Variants in SMAD1 observed in about 807,000 individuals in gnomAD.
SMAD1 encodes the protein SMAD family member 1.
SMAD1 carries 6 observed loss-of-function variants against 41.6 expected under a neutral mutation model. The ratio of observed to expected loss-of-function variants is 0.14; its 90% CI spans 0.08 to 0.28. The LOEUF is 0.28. Ranked by LOEUF, SMAD1 falls within the 10% of genes least tolerant of loss-of-function variation. The pLI is 1.00. For synonymous variants in SMAD1, 206 were observed against 203.2 expected, an observed-to-expected ratio of 1.01 and a Z score of -0.12; for missense variants, 379 against 582.6, an observed-to-expected ratio of 0.65 and a Z score of 3.60.
intron 1 of SMAD1, among the ~76,000 whole-genome samples, chr4:145,499,051 C>T (rs1729267979): frequency 6.6e-6 from 1 of 152,278 alleles, no homozygotes; most frequent in East Asian, 1.9e-4. Context: ...CACCCAACTT[C>T]GACTATCATG....
Position 145,546,749 on chromosome 4 carries a change from T to C in SMAD1, c.822T>C (p.Ile274=), listed in dbSNP as rs1483794229. The part of the protein sequence containing the change: ...AYEEPKHWCS[I]VYYELNNRVG... ...AGGAACCAAAACACTGGTGCTCTAT[T>C]GTCTACTATGAGCTCAACAATCGTG... The change falls in exon 5 of 7, where the codon ATT becomes ATC. Residue 274 remains isoleucine, a synonymous_variant. Coordinates refer to ENST00000302085, the MANE Select transcript of SMAD1 (RefSeq NM_005900.3). 2 of 1,614,018 alleles carry C rather than the reference T, an allele frequency of 1.2e-6. No individual in the cohort carries two copies. Among genetic ancestry groups the C allele is most frequent in the South Asian group, 2.2e-5 (2 of 91,082 alleles).
Position 145,484,998 on chromosome 4 carries a change from C to T in SMAD1, c.-177+2960C>T, listed in dbSNP as rs559954609. 6.6e-5 allele frequency among the ~76,000 whole-genome samples: 10 copies of T among 152,302 alleles called. No homozygotes were observed. In the East Asian group the frequency reaches 1.7e-3, roughly 26 times the overall value. ...TATTTTGCTTAAGTTTCTGACAATC[C>T]TTATTTAGCTTATGGATTATCTAGG... is the stretch of plus-strand genomic sequence containing the variant. On this transcript the variant is annotated intron_variant, in intron 1 of 6. Coordinates refer to ENST00000302085, the MANE Select transcript of SMAD1 (RefSeq NM_005900.3).
chr4:145,491,629 A>G (rs116789967), intron 1 of SMAD1, among the ~76,000 whole-genome samples: 2,119 of 152,238 alleles, frequency 0.014, 65 homozygotes, highest in African/African-American at 0.048. Flanking sequence ...CCAGCCTCCT[A>G]GGAGAATCTG....
chr4:145,499,062 T>TA (rs1196983669), intron 1 of SMAD1, among the ~76,000 whole-genome samples: 1 of 152,222 alleles, frequency 6.6e-6, no homozygotes, highest in African/African-American at 2.4e-5. Context: ...GACTATCATG[T>TA]AAAATTATAC....
chr4:145,511,325 T>C (rs1729159931), intron 1 of SMAD1, among the ~76,000 whole-genome samples: 1 of 152,230 alleles, frequency 6.6e-6, no homozygotes, highest in South Asian at 2.1e-4. Flanking sequence ...TCACTCAGGT[T>C]GGAGTGCAGT....
At chr4:145,530,687 G>T (rs116103171) in intron 2 of SMAD1, among the ~76,000 whole-genome samples, 1 of 151,190 alleles carries the variant, frequency 6.6e-6, no homozygotes, top group Non-Finnish European at 1.5e-5. Context: ...AAATACTACC[G>T]TGTTGCTACC....
chr4:145,515,758 A>G (rs1029028884), intron 2 of SMAD1, among the ~76,000 whole-genome samples: 2 of 152,194 alleles, frequency 1.3e-5, no homozygotes, highest in Non-Finnish European at 2.9e-5. Flanking sequence ...AAGCACTTAA[A>G]TGTCTCATTG....
chr4:145,551,469 A>G (rs899711899), intron 5 of SMAD1, among the ~76,000 whole-genome samples: 2 of 152,332 alleles, frequency 1.3e-5, no homozygotes, highest in African/African-American at 4.8e-5. Context: ...AGAGATTGCA[A>G]ACTTCTGTAG....
intron 5 of SMAD1, among the ~76,000 whole-genome samples, chr4:145,553,077 G>GT (rs1732638308): frequency 8.7e-6 from 1 of 115,294 alleles, no homozygotes; most frequent in Non-Finnish European, 1.8e-5. Context: ...CTAATTTTTT[G>GT]TATTTTTTTT....
intron 1 of SMAD1, among the ~76,000 whole-genome samples, chr4:145,503,271 G>A (rs1306512437): frequency 5.3e-5 from 8 of 152,090 alleles, no homozygotes; most frequent in Non-Finnish European, 2.9e-5. Context: ...TGAACTGAGA[G>A]CAGCAGAGTT....
chr4:145,516,107 G>A (rs1730370641), intron 2 of SMAD1, among the ~76,000 whole-genome samples: 1 of 152,120 alleles, frequency 6.6e-6, no homozygotes, highest in Non-Finnish European at 1.5e-5. Context: ...AAAAGATTAC[G>A]TGTAAACTGG....
intron 1 of SMAD1, among the ~76,000 whole-genome samples, chr4:145,500,081 C>T (rs1729340255): frequency 6.6e-6 from 1 of 152,112 alleles, no homozygotes; most frequent in Admixed American, 6.5e-5. Flanking sequence ...GAGAATATAT[C>T]CAGAATCTGA....
intron 2 of SMAD1, among the ~76,000 whole-genome samples, chr4:145,534,100 A>AG (rs1469029961): frequency 1.3e-5 from 2 of 152,356 alleles, no homozygotes; most frequent in African/African-American, 4.8e-5. Context: ...GTACACCCTG[A>AG]GGAGGCAGCT....
chr4:145,501,905 T>C (rs550414374), intron 1 of SMAD1, among the ~76,000 whole-genome samples: 1 of 152,256 alleles, frequency 6.6e-6, no homozygotes, highest in South Asian at 2.1e-4. Flanking sequence ...GTCAATGTAA[T>C]AATGTTTGTA....
rs1553945868 is a variant in SMAD1 at position 145,515,174 on chromosome 4, G to GTGTGTC, written c.400+164_400+165insGTCTGT. ...TGTGTGTGTGTGTGTGTGTGTGTGT[G>GTGTGTC]TGTCTGTGTGAATGCAAGAGAGAAA... On this transcript the variant is annotated intron_variant, in intron 2 of 6. Transcript: ENST00000302085. Among the ~76,000 whole-genome samples, 808 of 150,132 alleles carry GTGTGTC rather than the reference G, an allele frequency of 5.4e-3. 15 individuals carry two copies. Among genetic ancestry groups the GTGTGTC allele is most frequent in the African/African-American group, 0.019 (772 of 40,196 alleles).
intron 2 of SMAD1, among the ~76,000 whole-genome samples, chr4:145,538,034 G>T (rs572764240): frequency 6.6e-6 from 1 of 152,190 alleles, no homozygotes; most frequent in Non-Finnish European, 1.5e-5. Context: ...TGCTGCATTT[G>T]TGGGGAGTGG....
At chr4:145,549,072 G>T (rs1205117334) in intron 5 of SMAD1, among the ~76,000 whole-genome samples, 1 of 152,146 alleles carries the variant, frequency 6.6e-6, no homozygotes, top group Non-Finnish European at 1.5e-5. Flanking sequence ...GGGTGAAGAA[G>T]GGGGAGTAAT....
intron 3 of SMAD1, among the ~76,000 whole-genome samples, chr4:145,541,108 C>G (rs1223639466): frequency 1.3e-5 from 2 of 152,100 alleles, no homozygotes; most frequent in Admixed American, 6.5e-5. Flanking sequence ...CTACCTCTCT[C>G]CCTTCCTCCT....
chr4:145,497,408 A>G (rs1729148462), intron 1 of SMAD1: 1 of 152,236 alleles, frequency 6.6e-6, no homozygotes, highest in African/African-American at 2.4e-5. Flanking sequence ...ATAGTGTACC[A>G]TATGATATGG....
Sources: allele counts gnomAD v4.1 joint callset (sites outside exome capture counted in the v4.1 genomes callset), GRCh38; gene constraint gnomAD v4.1.1; transcripts MANE v1.5; gene names NCBI Gene and HGNC (gene_info 2026-07-23, HGNC 2026-07-21).